The following FARP2 variants were observed in gnomAD, a reference collection of about 807,000 sequenced individuals.
FARP2 encodes the protein FERM, ARHGEF and pleckstrin domain-containing protein 2.
Under a neutral mutation model 130.5 loss-of-function variants are expected in FARP2, and 111 were observed. That is an observed-to-expected ratio of 0.85 (90% CI 0.73 to 1.00). The LOEUF is 1.00. FARP2 is among the 50% of genes least tolerant of loss of function. The pLI, the probability that FARP2 is intolerant of heterozygous loss-of-function variation, is 0.00. For missense variants in FARP2, 1,385 were observed against 1,346.3 expected, an observed-to-expected ratio of 1.03 and a Z score of -0.45; for synonymous variants, 504 against 516.9, an observed-to-expected ratio of 0.98 and a Z score of 0.34.
chr2:241,410,257 C>CG (rs2062479745), intron 5 of FARP2, among the ~76,000 whole-genome samples: 2 of 152,130 alleles, frequency 1.3e-5, no homozygotes, highest in Non-Finnish European at 2.9e-5. Context: ...ATTTCACAGC[C>CG]ATGCTTTAAG....
intron 1 of FARP2, among the ~76,000 whole-genome samples, chr2:241,367,875 C>CT (rs879399426): frequency 0.038 from 5,546 of 144,418 alleles, 387 homozygotes; most frequent in African/African-American, 0.13. Context: ...CTTGGCAGGC[C>CT]TTTTTTTTTT....
At chr2:241,367,020 C>G (rs1195420345) in intron 1 of FARP2, among the ~76,000 whole-genome samples, 3 of 152,062 alleles carry the variant, frequency 2.0e-5, no homozygotes, top group Non-Finnish European at 4.4e-5. Flanking sequence ...TCAGTAAGCG[C>G]TCTTCCATCA....
chr2:241,433,100 C>T (rs1206129622), intron 9 of FARP2, among the ~76,000 whole-genome samples: 1 of 150,902 alleles, frequency 6.6e-6, no homozygotes. Context: ...ACATACGAAA[C>T]ACAAGTAAAA....
chr2:241,443,108 G>T, intron 13 of FARP2: 1 of 270,172 alleles, frequency 3.7e-6, no homozygotes, highest in Non-Finnish European at 7.2e-6. Flanking sequence ...GGCCCCCGTA[G>T]ACATTAGCCT....
chr2:241,453,541 G>T (rs952098814), intron 13 of FARP2, among the ~76,000 whole-genome samples: 3 of 151,492 alleles, frequency 2.0e-5, no homozygotes, highest in Admixed American at 6.6e-5. Flanking sequence ...AGAATGGCAT[G>T]AACCTGGGAG....
At position 241,456,896 on chromosome 2, in the gene FARP2, A is replaced by T; in HGVS notation, c.1561A>T (p.Met521Leu). 6.2e-7 allele frequency: 1 copy of T among 1,607,038 alleles called. No individual in the cohort carries two copies. The highest frequency in any genetic ancestry group is 8.5e-7 in the Non-Finnish European group (1 of 1,176,256). Reference protein sequence around the residue: ...PVLSDAGGAGMDCEEPRHKRV... With the variant: ...PVLSDAGGAGLDCEEPRHKRV... Reference sequence around the variant, plus strand: ...CCTCAGTGATGCTGGCGGAGCCGGGATGGACTGCGAGGAGCCCAGACACAA... The same window carrying T: ...CCTCAGTGATGCTGGCGGAGCCGGGTTGGACTGCGAGGAGCCCAGACACAA... The change falls in exon 14 of 27, where the codon ATG (methionine) becomes TTG (leucine). Residue 521 changes from methionine (M) to leucine (L), a missense_variant. Transcript: ENST00000264042.
chr2:241,482,252 C>A lies in FARP2; in HGVS notation c.2263-1213C>A, dbSNP rs555367468. Reference sequence around the variant, plus strand: ...TTGGTCAAAGGCCCACGGTGCTGAGCCTCACAGCTGGCAGCGGGGCCAGTG... The same window carrying A: ...TTGGTCAAAGGCCCACGGTGCTGAGACTCACAGCTGGCAGCGGGGCCAGTG... On this transcript the variant is annotated intron_variant, in intron 19 of 26. Transcript: ENST00000264042. This position sits in a 1 kb window ranked among gnomAD's most constrained non-coding sequence, Gnocchi z 4.6. Among the ~76,000 whole-genome samples the A allele has an allele frequency of 6.6e-6, 1 of 152,324 alleles. No homozygotes were observed. Among genetic ancestry groups the A allele is most frequent in the African/African-American group, 2.4e-5 (1 of 41,568 alleles).
At chr2:241,456,615 C>A (rs966903081) in intron 13 of FARP2, 132 bp from the exon 14 acceptor site, 12 of 784,408 alleles carry the variant, frequency 1.5e-5, no homozygotes, top group Middle Eastern at 2.4e-4. Context: ...GCTGTACATA[C>A]ACATTTTACA....
chr2:241,493,983 G>A, intron 26 of FARP2, 25 bp from the exon 27 acceptor site: 1 of 1,330,000 alleles, frequency 7.5e-7, no homozygotes, highest in Non-Finnish European at 9.8e-7. Flanking sequence ...TGGCTCACTG[G>A]TCTGATGGCC....
intron 17 of FARP2, among the ~76,000 whole-genome samples, chr2:241,467,902 G>A (rs144473532): frequency 3.1e-4 from 47 of 152,312 alleles, no homozygotes; most frequent in African/African-American, 1.0e-3. Flanking sequence ...ATATGGGGCC[G>A]GTTAGTGGTG....
At chr2:241,427,191 C>T (rs558816256) in intron 8 of FARP2, among the ~76,000 whole-genome samples, 1 of 152,250 alleles carries the variant, frequency 6.6e-6, no homozygotes, top group Admixed American at 6.5e-5. Flanking sequence ...GCCAAGATCG[C>T]ACCATTGCAC....
chr2:241,464,648 C>T (rs2150478768), intron 17 of FARP2, among the ~76,000 whole-genome samples: 1 of 152,034 alleles, frequency 6.6e-6, no homozygotes, highest in African/African-American at 2.4e-5. Context: ...GAACAGGATT[C>T]CCTCAGAATA....
intron 10 of FARP2, among the ~76,000 whole-genome samples, chr2:241,434,650 G>T (rs1043301204): frequency 1.3e-5 from 2 of 152,098 alleles, no homozygotes; most frequent in African/African-American, 4.8e-5. Context: ...TCAGGAATTC[G>T]ATATCAGCCT....
At position 241,468,174 on chromosome 2, in the gene FARP2, T is replaced by A; in HGVS notation, c.1928T>A (p.Val643Asp). The part of the protein sequence containing the change: ...FTSYFQRHDE[V>D]LTELEKATKR... ...AGCTACTTCCAAAGACATGACGAGG[T>A]CCTAACAGAACTGGAAAAGGCTACC... Residue 643 changes from valine to aspartate, a missense_variant, in exon 18 of 27, where the codon GTC becomes GAC. By Grantham distance (152) the Val-to-Asp change is radical. Transcript: ENST00000264042. 1 of 1,613,904 alleles carries A rather than the reference T, an allele frequency of 6.2e-7. No individual in the cohort carries two copies. The highest frequency in any genetic ancestry group is 8.5e-7 in the Non-Finnish European group (1 of 1,179,910).
At chr2:241,469,310 C>G (rs867765989) in intron 18 of FARP2, among the ~76,000 whole-genome samples, 1 of 152,178 alleles carries the variant, frequency 6.6e-6, no homozygotes, top group Non-Finnish European at 1.5e-5. Context: ...TAGTCTCGAA[C>G]TCCTGACCTC....
rs1283871086 is a variant in FARP2, at chr2:241,483,541, C to G, written c.2331+8C>G. On this transcript the variant is annotated splice_region_variant and intron_variant, in intron 20 of 26. Coordinates refer to ENST00000264042, the MANE Select transcript of FARP2 (RefSeq NM_014808.4). ...CAGAGGATGTTTTTTCTGGTAGGTT[C>G]TCTCCCCACTCAAGCTGTGCTTCCC... The G allele has an allele frequency of 3.1e-6, 5 of 1,613,178 alleles. No homozygotes were observed. In the Admixed American group the frequency reaches 8.3e-5, roughly 27 times the overall value.
chr2:241,485,468 T>G (rs2064729578), intron 21 of FARP2, among the ~76,000 whole-genome samples: 1 of 147,796 alleles, frequency 6.8e-6, no homozygotes, highest in Non-Finnish European at 1.5e-5. Context: ...CCTGGGATCT[T>G]CCCTCCATCG....
intron 1 of FARP2, among the ~76,000 whole-genome samples, chr2:241,359,758 C>T (rs1267804564): frequency 1.3e-5 from 2 of 152,176 alleles, no homozygotes; most frequent in East Asian, 3.8e-4. Flanking sequence ...CTGTGCACAC[C>T]ATGCAATCAC....
intron 19 of FARP2, among the ~76,000 whole-genome samples, chr2:241,481,967 A>AT (rs1274736452): frequency 6.6e-6 from 1 of 152,160 alleles, no homozygotes; most frequent in East Asian, 1.9e-4. Context: ...TCAAATAATA[A>AT]TTTGTTATTA....
Sources: gnomAD v4.1 joint callset for allele counts (sites outside exome capture counted in the v4.1 genomes callset) on GRCh38, gnomAD v4.1.1 for gene constraint, Gnocchi (gnomAD v3.1) non-coding constraint, MANE v1.5 for transcripts, NCBI Gene and HGNC (gene_info 2026-07-23, HGNC 2026-07-21) for gene names.